Variants in MMP16 observed in about 807,000 individuals in gnomAD.
MMP16 encodes the protein matrix metalloproteinase-16.
Under a neutral mutation model 67.8 loss-of-function variants are expected in MMP16, and 12 were observed. That is an observed-to-expected ratio of 0.18 (90% CI 0.11 to 0.29). MMP16 has a LOEUF of 0.29. MMP16 is among the 10% of genes least tolerant of loss of function. The probability of loss-of-function intolerance (pLI) is 1.00; values close to 1 mark genes in which losing one functional copy is unlikely to be tolerated. For synonymous variants in MMP16, 249 were observed against 255.9 expected (o/e 0.97, Z 0.26); for missense variants, 475 against 765.7 (o/e 0.62, Z 4.48).
chr8:88,078,276 C>CT (rs1294744198), intron 6 of MMP16, among the ~76,000 whole-genome samples: 5 of 152,308 alleles, frequency 3.3e-5, no homozygotes, highest in African/African-American at 1.2e-4. Context: ...CAATATTTCA[C>CT]TTAAGATACA....
chr8:88,244,186 A>T (rs1810075821), intron 1 of MMP16, among the ~76,000 whole-genome samples: 1 of 152,200 alleles, frequency 6.6e-6, no homozygotes, highest in South Asian at 2.1e-4. Flanking sequence ...AATTACAAGC[A>T]TAAATGCAAA....
chr8:88,065,641 A>G (rs1318809322), intron 7 of MMP16, among the ~76,000 whole-genome samples: 1 of 152,104 alleles, frequency 6.6e-6, no homozygotes, highest in Non-Finnish European at 1.5e-5. Flanking sequence ...ATAAAGAAAT[A>G]AATAATCATT....
At chr8:88,123,235 T>C (rs1465977950) in intron 4 of MMP16, among the ~76,000 whole-genome samples, 4 of 151,984 alleles carry the variant, frequency 2.6e-5, no homozygotes, top group Non-Finnish European at 2.9e-5. Flanking sequence ...GGAAGCTACT[T>C]TGAAGCATGT....
chr8:88,050,092 C>T (rs541201228), intron 8 of MMP16, among the ~76,000 whole-genome samples: 42 of 152,168 alleles, frequency 2.8e-4, no homozygotes, highest in Admixed American at 5.2e-4. Flanking sequence ...GAGGCCAATG[C>T]GGGTGGATTA....
rs781309346 is a variant in MMP16, at chr8:88,046,620, G to A, written c.1489+49C>T. ...TTAGCAGAGTGAAAAAGCCTAATGT[G>A]TTACTAAGATAGCAAACTTATGAAA... is the stretch of plus-strand genomic sequence containing the variant. On this transcript the variant is annotated intron_variant, in intron 9 of 9. Coordinates refer to ENST00000286614, the MANE Select transcript of MMP16 (RefSeq NM_005941.5). 1.2e-5 allele frequency: 14 copies of A among 1,215,878 alleles called. No homozygotes were observed. The South Asian group carries it at 2.0e-4, about 17-fold the overall frequency. 75.3% of individuals were successfully genotyped at this position (1,215,878 alleles called of 1,614,324 possible).
In MMP16 at chr8:88,167,880, T is replaced by G. The variant is rs759765895; in HGVS notation, c.498A>C (p.Thr166=). 75 of 1,613,916 alleles carry G rather than the reference T, an allele frequency of 4.6e-5. No individual in the cohort carries two copies. The highest frequency in any genetic ancestry group is 6.0e-5 in the Non-Finnish European group (71 of 1,179,972). Residue 166 remains threonine (T), a synonymous_variant, in exon 4 of 10, where the codon ACA becomes ACC. Coordinates refer to ENST00000286614, the MANE Select transcript of MMP16 (RefSeq NM_005941.5). ...FDVWQNVTPL[T]FEEVPYSELE... ...ATTCACTGTAGGGAACTTCTTCAAA[T>G]GTCAGAGGAGTTACATTCTGCCACA...
chr8:88,287,654 T>C (rs932204019), intron 1 of MMP16, among the ~76,000 whole-genome samples: 6 of 152,020 alleles, frequency 3.9e-5, no homozygotes, highest in Admixed American at 1.3e-4. Context: ...AATGGATGAG[T>C]TGTAGGGGCC....
chr8:88,172,686 G>T (rs1047752678), intron 3 of MMP16, among the ~76,000 whole-genome samples: 1 of 152,112 alleles, frequency 6.6e-6, no homozygotes, highest in East Asian at 1.9e-4. Context: ...TGTGAAAAGA[G>T]TAAAGTGAGT....
At position 88,116,716 on chromosome 8, in the gene MMP16, G is replaced by C. The variant is rs1479316318; in HGVS notation, c.874C>G (p.Pro292Ala). 1 of 1,613,046 alleles carries C rather than the reference G, an allele frequency of 6.2e-7. No individual in the cohort carries two copies. Among genetic ancestry groups the C allele is most frequent in the South Asian group, 1.1e-5 (1 of 91,042 alleles). Residue 292 changes from proline (P) to alanine (A), a missense_variant and splice_region_variant, in exon 6 of 10, where the codon CCA (proline) becomes GCA (alanine). Coordinates refer to ENST00000286614, the MANE Select transcript of MMP16 (RefSeq NM_005941.5). ...DLQGIQKIYGPPDKIPPPTRP... is the reference protein window; with the variant it reads ...DLQGIQKIYGAPDKIPPPTRP... ...GTAGGTGGAGGAATCTTGTCAGGTGGACCTTTTGAAAATATGAGGACAGTG... is the reference window on the plus strand; with the variant it reads ...GTAGGTGGAGGAATCTTGTCAGGTGCACCTTTTGAAAATATGAGGACAGTG...
intron 8 of MMP16, among the ~76,000 whole-genome samples, chr8:88,052,950 A>C (rs1808288608): frequency 6.6e-6 from 1 of 152,054 alleles, no homozygotes; most frequent in African/African-American, 2.4e-5. Context: ...TTATTTGTTT[A>C]CTGTTTATTA....
intron 4 of MMP16, among the ~76,000 whole-genome samples, chr8:88,122,843 T>C (rs1807861610): frequency 6.6e-6 from 1 of 151,620 alleles, no homozygotes; most frequent in Non-Finnish European, 1.5e-5. Context: ...GGTATTTGAC[T>C]TCTAAGGCGA....
chr8:88,148,221 A>AT (rs1808327398), intron 4 of MMP16, among the ~76,000 whole-genome samples: 1 of 151,864 alleles, frequency 6.6e-6, no homozygotes, highest in Non-Finnish European at 1.5e-5. Flanking sequence ...CTGTGATTCC[A>AT]TTTTTTCCTT....
intron 1 of MMP16, among the ~76,000 whole-genome samples, chr8:88,217,933 C>A (rs574822880): frequency 6.6e-6 from 1 of 152,100 alleles, no homozygotes; most frequent in East Asian, 1.9e-4. Flanking sequence ...ATTTCCATCA[C>A]ACAGAACACT....
intron 1 of MMP16, among the ~76,000 whole-genome samples, chr8:88,229,013 AT>A (rs1303521446): frequency 6.6e-6 from 1 of 151,412 alleles, no homozygotes; most frequent in Non-Finnish European, 1.5e-5. Context: ...AAAAAAAAAA[AT>A]GTTGGGTGTG....
In MMP16 at chr8:88,168,025, G is replaced by T. The variant is rs746811644; in HGVS notation, c.405-52C>A. The T allele has an allele frequency of 2.1e-6, 3 of 1,403,834 alleles. No homozygotes were observed. The East Asian group carries it at 7.0e-5, about 33-fold the overall frequency. 87.0% of individuals were successfully genotyped at this position (1,403,834 alleles called of 1,614,324 possible). ...GTATTGTTATGTATAAGCTAACTTA[G>T]TACAGGTTTTGATCGATTCAGTTAA... is the stretch of plus-strand genomic sequence containing the variant. On this transcript the variant is annotated intron_variant, in intron 3 of 9. Coordinates refer to ENST00000286614, the MANE Select transcript of MMP16 (RefSeq NM_005941.5).
intron 7 of MMP16, among the ~76,000 whole-genome samples, chr8:88,061,615 G>C (rs974011424): frequency 6.6e-6 from 1 of 151,964 alleles, no homozygotes; most frequent in African/African-American, 2.4e-5. Context: ...CTGGTGCATG[G>C]AGCAGGAGAA....
rs181064553 is a variant in MMP16, at chr8:88,036,377, A to G, written c.*5084T>C. 13 of 151,994 alleles carry G rather than the reference A, an allele frequency of 8.6e-5. No homozygotes were observed. Among genetic ancestry groups the G allele is most frequent in the African/African-American group, 2.6e-4 (11 of 41,520 alleles). 9.4% of individuals were successfully genotyped at this position (151,994 alleles called of 1,614,324 possible). On this transcript the variant is annotated 3_prime_UTR_variant, in exon 10 of 10. Coordinates refer to ENST00000286614, the MANE Select transcript of MMP16 (RefSeq NM_005941.5). ...TTATAGTTTGTCTTTATATTTAACA[A>G]AAGACTCATTTTTCCTCCTCCATTT... is the stretch of plus-strand genomic sequence containing the variant.
At chr8:88,240,383 G>A (rs758160902) in intron 1 of MMP16, among the ~76,000 whole-genome samples, 14 of 152,120 alleles carry the variant, frequency 9.2e-5, no homozygotes, top group Non-Finnish European at 1.6e-4. Context: ...TGGCCTTGAG[G>A]CAGAAGGAAA....
chr8:88,308,917 T>A (rs916744295), intron 1 of MMP16, among the ~76,000 whole-genome samples: 7 of 151,874 alleles, frequency 4.6e-5, no homozygotes, highest in African/African-American at 1.7e-4. Context: ...CTTCATAATT[T>A]AAAAAATGCA....
Sources: allele counts gnomAD v4.1 joint callset (sites outside exome capture counted in the v4.1 genomes callset), GRCh38; gene constraint gnomAD v4.1.1; transcripts MANE v1.5; gene names NCBI Gene and HGNC (gene_info 2026-07-23, HGNC 2026-07-21).